The following SVIL variants were observed in gnomAD, a reference collection of about 807,000 sequenced individuals.
The protein encoded by SVIL is supervillin.
Under a neutral mutation model 240.4 loss-of-function variants are expected in SVIL, and 101 were observed. The ratio of observed to expected loss-of-function variants is 0.42; its 90% CI spans 0.36 to 0.50. The LOEUF is 0.50. SVIL is among the 20% of genes least tolerant of loss of function. SVIL has a pLI of 0.01. For synonymous variants in SVIL, 999 were observed against 1,100.0 expected (o/e 0.91, Z 1.82); for missense variants, 2,512 against 2,818.7 (o/e 0.89, Z 2.46).
intron 3 of SVIL, among the ~76,000 whole-genome samples, chr10:29,560,333 G>A (rs1300973778): frequency 2.0e-5 from 3 of 152,200 alleles, no homozygotes; most frequent in Non-Finnish European, 2.9e-5. Flanking sequence ...ACTCTGAATT[G>A]CCAGAACCAA....
chr10:29,545,096 C>G (rs777892007), intron 6 of SVIL: 1 of 534,346 alleles, frequency 1.9e-6, no homozygotes, highest in Non-Finnish European at 3.8e-6. Flanking sequence ...GCACGATGCT[C>G]TCCTGCAGAC....
chr10:29,552,633 G>A (rs1218436885), intron 5 of SVIL, among the ~76,000 whole-genome samples: 3 of 151,146 alleles, frequency 2.0e-5, no homozygotes, highest in Non-Finnish European at 2.9e-5. Context: ...GGTCCTAACA[G>A]TCTATCTAAC....
intron 1 of SVIL, among the ~76,000 whole-genome samples, chr10:29,700,629 C>G (rs1157817475): frequency 6.6e-6 from 1 of 152,030 alleles, no homozygotes; most frequent in African/African-American, 2.4e-5. Flanking sequence ...CGCCACCACA[C>G]CCGACTAGTT....
chr10:29,481,039 C>G (rs1431409904), intron 28 of SVIL, among the ~76,000 whole-genome samples: 2 of 152,028 alleles, frequency 1.3e-5, no homozygotes, highest in Non-Finnish European at 2.9e-5. Context: ...AGAACAGGCA[C>G]AAATCAGACT....
chr10:29,710,766 T>A (rs953650607), intron 1 of SVIL, among the ~76,000 whole-genome samples: 2 of 152,136 alleles, frequency 1.3e-5, no homozygotes, highest in Non-Finnish European at 2.9e-5. Flanking sequence ...AAAGACATTT[T>A]CAAACACGTA....
At chr10:29,550,444 G>GAAAA (rs55843963) in intron 6 of SVIL, among the ~76,000 whole-genome samples, 153 bp downstream of exon 6, 4 of 132,960 alleles carry the variant, frequency 3.0e-5, no homozygotes, top group African/African-American at 1.1e-4. Flanking sequence ...CCTGTCTTCA[G>GAAAA]AAAAAAAAAA....
At chr10:29,636,470 T>C (rs2132966608), upstream of SVIL, among the ~76,000 whole-genome samples, 1 of 152,292 alleles carries the variant, frequency 6.6e-6, no homozygotes, top group East Asian at 1.9e-4. Flanking sequence ...GCCTCTTAAG[T>C]TTTTGCACAC....
Position 29,551,186 on chromosome 10 carries a change from A to G in SVIL, c.238T>C (p.Ser80Pro), listed in dbSNP as rs1953295826. ...TAGGGTGAGTCACCGTGGACACCGG[A>G]GGTTTCTGTGCAGTATTTGGATCGA... ...QTRSKYCTET[S>P]GVHGDSPYGS... The change falls in exon 6 of 38, where the codon TCC (serine) becomes CCC (proline). Residue 80 changes from serine (S) to proline (P), a missense_variant. Around this residue, in one of 3 missense-constraint regions of SVIL, gnomAD observed 1,443 missense variants for 1,486.6 expected, o/e 0.97. Transcript: ENST00000355867. 1.2e-6 allele frequency: 2 copies of G among 1,613,890 alleles called. No homozygotes were observed. The highest frequency in any genetic ancestry group is 1.7e-5 in the Admixed American group (1 of 59,980).
intron 3 of SVIL, among the ~76,000 whole-genome samples, chr10:29,559,725 T>G (rs1954278800): frequency 6.6e-6 from 1 of 152,158 alleles, no homozygotes; most frequent in Non-Finnish European, 1.5e-5. Flanking sequence ...TAATTCGGAG[T>G]GGTACTACTG....
Position 29,550,635 on chromosome 10 carries a change from G to C in SVIL, c.789C>G (p.Ser263=). 1 of 1,613,504 alleles carries C rather than the reference G, an allele frequency of 6.2e-7. No individual in the cohort carries two copies. The highest frequency in any genetic ancestry group is 8.5e-7 in the Non-Finnish European group (1 of 1,179,724). Residue 263 remains serine, a synonymous_variant, in exon 6 of 38, where the codon TCC becomes TCG. Transcript: ENST00000355867. ...CAGGGGATAGCTGTGGGTCACCAAA[G>C]GAGGGGCTCCGGGAGGCTGCCTGCT... The part of the protein sequence containing the change: ...SLQQAASRSP[S]FGDPQLSPEA...
intron 1 of SVIL, among the ~76,000 whole-genome samples, chr10:29,603,798 CCTAA>C (rs533745444): frequency 6.1e-4 from 93 of 152,230 alleles, no homozygotes; most frequent in Middle Eastern, 3.4e-3. Context: ...TTTCAAATGA[CCTAA>C]CTGTTATTTT....
chr10:29,736,045 G>A (rs914708192), upstream of SVIL, among the ~76,000 whole-genome samples: 4 of 152,156 alleles, frequency 2.6e-5, no homozygotes, highest in African/African-American at 7.2e-5. Flanking sequence ...ACAGAGGGGG[G>A]CCAAGCACAA....
intron 33 of SVIL, among the ~76,000 whole-genome samples, chr10:29,467,485 G>A (rs11817094): frequency 0.095 from 14,444 of 152,160 alleles, 870 homozygotes; most frequent in Non-Finnish European, 0.13. Flanking sequence ...GAAAAAAACT[G>A]TTCAATCAGC....
chr10:29,625,410 TAGAG>T (rs982067293), intron 1 of SVIL, among the ~76,000 whole-genome samples: 2 of 152,162 alleles, frequency 1.3e-5, no homozygotes, highest in Admixed American at 6.5e-5. Context: ...ATTTTAAAAA[TAGAG>T]AGAGATGGGT....
intron 3 of SVIL, among the ~76,000 whole-genome samples, chr10:29,556,248 C>G (rs1455276345): frequency 6.6e-6 from 1 of 152,116 alleles, no homozygotes; most frequent in Non-Finnish European, 1.5e-5. Context: ...TGAGTGACTC[C>G]TATGAAGGAC....
At chr10:29,655,837 C>T (rs1295185030) in intron 3 of SVIL, among the ~76,000 whole-genome samples, 1 of 150,726 alleles carries the variant, frequency 6.6e-6, no homozygotes, top group Non-Finnish European at 1.5e-5. Context: ...TGAAGAAGTT[C>T]CCTTCTATTC....
At position 29,643,885 on chromosome 10, in the gene SVIL, C is replaced by G. The variant is rs1402378139; in HGVS notation, c.-201+14084G>C. The G allele has an allele frequency of 2.0e-5, 9 of 451,442 alleles. No individual in the cohort carries two copies. In the Admixed American group the frequency reaches 2.1e-4, roughly 11 times the overall value. 28.0% of individuals were successfully genotyped at this position (451,442 alleles called of 1,614,324 possible). Reference sequence around the variant, plus strand: ...TCAACACAAAGAGAACTGCTGGCCTCGTGGTCAAAATGAGATGTGAACTTG... The same window carrying G: ...TCAACACAAAGAGAACTGCTGGCCTGGTGGTCAAAATGAGATGTGAACTTG... On this transcript the variant is annotated intron_variant, in intron 3 of 35. Coordinates refer to the SVIL transcript ENST00000375400.
chr10:29,480,597 C>T lies in SVIL; in HGVS notation c.5317G>A (p.Gly1773Arg), dbSNP rs778601433. Residue 1773 changes from glycine to arginine, a missense_variant, in exon 29 of 38, where the codon GGG becomes AGG. Transcript: ENST00000355867. ...DYSRLPKQSI[G>R]QFHEGDAYVV... ...TAGGCATCCCCCTCATGGAACTGCCCGATGCTTTGTTTGGGGAGCCTGCTA... is the reference window on the plus strand; with the variant it reads ...TAGGCATCCCCCTCATGGAACTGCCTGATGCTTTGTTTGGGGAGCCTGCTA... 8.1e-6 allele frequency: 13 copies of T among 1,613,952 alleles called. No individual in the cohort carries two copies. The highest frequency in any genetic ancestry group is 5.3e-5 in the African/African-American group (4 of 74,904).
chr10:29,589,299 C>G (rs1275257302), intron 1 of SVIL, among the ~76,000 whole-genome samples: 1 of 152,166 alleles, frequency 6.6e-6, no homozygotes, highest in Non-Finnish European at 1.5e-5. Flanking sequence ...CTCACACTCA[C>G]CTTTGTCTCC....
Sources: gnomAD v4.1 joint callset for allele counts (sites outside exome capture counted in the v4.1 genomes callset) on GRCh38, gnomAD v4.1.1 for gene constraint, gnomAD v4.1.1 regional missense constraint, MANE v1.5 for transcripts, NCBI Gene and HGNC (gene_info 2026-07-23, HGNC 2026-07-21) for gene names.